PRRX1: variants seen among roughly 807,000 people sequenced by gnomAD.
PRRX1 encodes paired related homeobox 1.
A neutral mutation model predicts 24.0 loss-of-function variants in PRRX1; 8 were observed. The observed-to-expected ratio is 0.33, with a 90% CI of 0.20 to 0.60. The LOEUF (loss-of-function observed/expected upper bound fraction) is 0.60, where lower values mean the gene tolerates loss of function less well. PRRX1 is among the 20% of genes least tolerant of loss of function. The pLI, the probability that PRRX1 is intolerant of heterozygous loss-of-function variation, is 0.82. For synonymous variants in PRRX1, 160 were observed against 131.7 expected (o/e 1.22, Z -1.47); for missense variants, 281 against 322.4 (o/e 0.87, Z 0.98).
intron 1 of PRRX1, among the ~76,000 whole-genome samples, chr1:170,689,879 G>GGT (rs1223292108): frequency 7.3e-6 from 1 of 136,672 alleles, no homozygotes; most frequent in South Asian, 2.4e-4. Context: ...TCTCTCTGTG[G>GGT]GTGTGTGTGT....
intron 3 of PRRX1, among the ~76,000 whole-genome samples, chr1:170,731,250 C>T (rs1655428223): frequency 6.6e-6 from 1 of 152,142 alleles, no homozygotes; most frequent in African/African-American, 2.4e-5. Flanking sequence ...AAAGAACAAA[C>T]CCGAGACTTT....
chr1:170,702,387 C>G (rs1571333120), intron 1 of PRRX1, among the ~76,000 whole-genome samples: 1 of 152,128 alleles, frequency 6.6e-6, no homozygotes, highest in Non-Finnish European at 1.5e-5. Flanking sequence ...CTCCCCTCCC[C>G]TCACCCTTTC....
intron 1 of PRRX1, among the ~76,000 whole-genome samples, chr1:170,709,224 T>A (rs1338038173): frequency 6.6e-6 from 1 of 152,164 alleles, no homozygotes; most frequent in Non-Finnish European, 1.5e-5. Context: ...TCACAGAAGG[T>A]TCCTACAAAG....
intron 1 of PRRX1, among the ~76,000 whole-genome samples, chr1:170,673,949 T>G (rs200317434): frequency 6.6e-6 from 1 of 152,254 alleles, no homozygotes; most frequent in East Asian, 1.9e-4. Context: ...TTGTCCTTAA[T>G]GTGTTGGTTA....
Position 170,738,255 on chromosome 1 carries a change from T to A in PRRX1, c.*2069T>A, listed in dbSNP as rs1247459708. On this transcript the variant is annotated 3_prime_UTR_variant, in exon 4 of 4. Transcript: ENST00000239461. ...GTTTAAGATGCACTTTTAGCACACA[T>A]TTGTATTTCCCTTGGCATATCAGAT... The A allele has an allele frequency of 8.9e-6, 2 of 225,026 alleles. No individual in the cohort carries two copies. The highest frequency in any genetic ancestry group is 8.9e-6 in the Non-Finnish European group (1 of 112,702). 13.9% of individuals were successfully genotyped at this position (225,026 alleles called of 1,614,324 possible).
At chr1:170,689,540 G>A (rs1475675845) in intron 1 of PRRX1, among the ~76,000 whole-genome samples, 1 of 152,124 alleles carries the variant, frequency 6.6e-6, no homozygotes, top group Non-Finnish European at 1.5e-5. Flanking sequence ...GAGTTTTGAG[G>A]AAGATTTGTG....
chr1:170,680,907 T>C (rs1331050771), intron 1 of PRRX1, among the ~76,000 whole-genome samples: 2 of 152,224 alleles, frequency 1.3e-5, no homozygotes, highest in African/African-American at 4.8e-5. Context: ...GACTGTAAAA[T>C]GTGGTTCTAT....
intron 1 of PRRX1, among the ~76,000 whole-genome samples, chr1:170,713,125 A>G (rs2101912618): frequency 6.6e-6 from 1 of 152,340 alleles, no homozygotes; most frequent in African/African-American, 2.4e-5. Flanking sequence ...GGAATACATT[A>G]GTATTATTAT....
At chr1:170,675,041 T>C (rs989868063) in intron 1 of PRRX1, among the ~76,000 whole-genome samples, 2 of 152,212 alleles carry the variant, frequency 1.3e-5, no homozygotes, top group Non-Finnish European at 2.9e-5. Flanking sequence ...ATTAAAAAAC[T>C]GTGTAAGCAT....
intron 3 of PRRX1, among the ~76,000 whole-genome samples, chr1:170,732,124 T>G (rs1208625518): frequency 2.7e-4 from 41 of 152,186 alleles, no homozygotes; most frequent in Non-Finnish European, 4.4e-5. Context: ...ACAAATCACT[T>G]AGCTTCAATC....
chr1:170,715,377 A>G (rs1455761846), intron 1 of PRRX1, among the ~76,000 whole-genome samples: 3 of 152,200 alleles, frequency 2.0e-5, no homozygotes, highest in South Asian at 2.1e-4. Flanking sequence ...TCTCTTTTCT[A>G]TAGAAATACC....
intron 1 of PRRX1, chr1:170,667,795 A>G (rs968767704): frequency 2.0e-5 from 3 of 152,246 alleles, no homozygotes; most frequent in Admixed American, 6.5e-5. Flanking sequence ...TCTTTTAGCT[A>G]TATAGAAACA....
intron 1 of PRRX1, among the ~76,000 whole-genome samples, chr1:170,676,122 G>A (rs962888841): frequency 5.9e-5 from 9 of 152,118 alleles, no homozygotes; most frequent in South Asian, 2.1e-4. Context: ...ATATAATTTA[G>A]TTAATTAATC....
intron 1 of PRRX1, among the ~76,000 whole-genome samples, chr1:170,696,944 A>C (rs1654190264): frequency 6.6e-6 from 1 of 152,170 alleles, no homozygotes; most frequent in African/African-American, 2.4e-5. Context: ...TAATAGAGCT[A>C]AATAAAACTA....
chr1:170,675,033 T>C (rs959428771), intron 1 of PRRX1, among the ~76,000 whole-genome samples: 3 of 152,194 alleles, frequency 2.0e-5, no homozygotes, highest in African/African-American at 7.2e-5. Context: ...TCTCTAAAAT[T>C]AAAAAACTGT....
chr1:170,715,607 A>G (rs1001735367), intron 1 of PRRX1, among the ~76,000 whole-genome samples: 2 of 152,196 alleles, frequency 1.3e-5, no homozygotes, highest in Admixed American at 6.5e-5. Context: ...ATCATCTCCT[A>G]TGATTGTGGG....
intron 1 of PRRX1, among the ~76,000 whole-genome samples, chr1:170,706,997 C>T (rs1345076065): frequency 2.6e-5 from 4 of 151,968 alleles, no homozygotes; most frequent in Non-Finnish European, 5.9e-5. Context: ...TGGTGGTGTG[C>T]AACTGCAGTC....
chr1:170,704,952 C>T (rs1040014864), intron 1 of PRRX1, among the ~76,000 whole-genome samples: 2 of 152,088 alleles, frequency 1.3e-5, no homozygotes, highest in East Asian at 3.9e-4. Flanking sequence ...CTAGAGGGAC[C>T]CATAAAACTT....
At chr1:170,730,285 C>G in intron 3 of PRRX1, 1 of 1,610,374 alleles carries the variant, frequency 6.2e-7, no homozygotes, top group Non-Finnish European at 8.5e-7. Flanking sequence ...AGATCCTCGT[C>G]CCTCCCAAGA....
Sources: gnomAD v4.1 joint callset for allele counts (sites outside exome capture counted in the v4.1 genomes callset) on GRCh38, gnomAD v4.1.1 for gene constraint, MANE v1.5 for transcripts, NCBI Gene and HGNC (gene_info 2026-07-23, HGNC 2026-07-21) for gene names.